Variants in STYX observed in about 807,000 individuals in gnomAD.
STYX encodes the protein serine/threonine/tyrosine interacting protein.
STYX carries 20 observed loss-of-function variants against 42.7 expected under a neutral mutation model. The ratio of observed to expected loss-of-function variants is 0.47; its 90% confidence interval spans 0.33 to 0.68. STYX has a LOEUF of 0.68. Ranked by LOEUF, STYX falls within the 30% of genes least tolerant of loss-of-function variation. The pLI is 0.02. For synonymous variants in STYX, 78 were observed against 81.9 expected, an observed-to-expected ratio of 0.95 and a Z score of 0.26; for missense variants, 226 against 268.5, an observed-to-expected ratio of 0.84 and a Z score of 1.11.
rs115531601 is a variant in STYX at position 52,774,496 on chromosome 14, G to A, written c.*3390G>A. On this transcript the variant is annotated 3_prime_UTR_variant, in exon 11 of 11. Coordinates refer to ENST00000354586, the MANE Select transcript of STYX (RefSeq NM_145251.4). ...TTCTTTCTTTGTTCAACAGTGCTCC[G>A]ATAAGGGAATGCTAGAAAATAGATG... 184 of 151,168 alleles carry A rather than the reference G, an allele frequency of 1.2e-3. No homozygotes were observed. Among genetic ancestry groups the A allele is most frequent in the African/African-American group, 4.3e-3 (178 of 41,140 alleles). 9.4% of individuals were successfully genotyped at this position (151,168 alleles called of 1,614,324 possible). A position where few individuals can be genotyped will look rare whatever the true frequency, so the allele number is the denominator to read the frequency against.
rs905601656 is a variant in STYX, at chr14:52,774,236, G to A, written c.*3130G>A. On this transcript the variant is annotated 3_prime_UTR_variant, in exon 11 of 11. Coordinates refer to ENST00000354586, the MANE Select transcript of STYX (RefSeq NM_145251.4). Reference sequence around the variant, plus strand: ...AGTAATGTCAGAAAATGTTAAGCATGTCTGTATTAAGAAAATATAAGGTTT... The same window carrying A: ...AGTAATGTCAGAAAATGTTAAGCATATCTGTATTAAGAAAATATAAGGTTT... 2 of 152,196 alleles carry A rather than the reference G, an allele frequency of 1.3e-5. No individual in the cohort carries two copies. The highest frequency in any genetic ancestry group is 4.1e-4 in the South Asian group (2 of 4,820). 9.4% of individuals were successfully genotyped at this position (152,196 alleles called of 1,614,324 possible). A position where few individuals can be genotyped will look rare whatever the true frequency, so the allele number is the denominator to read the frequency against.
chr14:52,730,597 A>G, intron 1 of STYX, 66 bp downstream of exon 1: 1 of 1,563,238 alleles, frequency 6.4e-7, no homozygotes, highest in Non-Finnish European at 8.7e-7. Context: ...GGGCGACCCC[A>G]GTCCCCAACC....
intron 1 of STYX, among the ~76,000 whole-genome samples, chr14:52,732,346 C>T (rs1443315294): frequency 2.0e-5 from 3 of 148,204 alleles, no homozygotes; most frequent in East Asian, 2.0e-4. Flanking sequence ...GATCTGGGCT[C>T]ACTGCAAGCT....
Position 52,772,632 on chromosome 14 carries a change from C to T in STYX, c.*1526C>T, listed in dbSNP as rs908284258. ...TATGTTCCCTTGGTACCAAGAGGTA[C>T]TATGCAAAGTAACCTATTACACCAA... On this transcript the variant is annotated 3_prime_UTR_variant, in exon 11 of 11. Transcript: ENST00000354586. The T allele has an allele frequency of 6.6e-6, 1 of 152,496 alleles. No homozygotes were observed. Among genetic ancestry groups the T allele is most frequent in the African/African-American group, 2.4e-5 (1 of 41,398 alleles). 9.4% of individuals were successfully genotyped at this position (152,496 alleles called of 1,614,324 possible).
At chr14:52,747,242 A>C (rs1210742245) in intron 3 of STYX, among the ~76,000 whole-genome samples, 1 of 152,232 alleles carries the variant, frequency 6.6e-6, no homozygotes, top group Non-Finnish European at 1.5e-5. Flanking sequence ...TGCCACTTCT[A>C]AAAGATTCAA....
rs529656494 is a variant in STYX, at chr14:52,738,874, C to T, written c.58-5978C>T. ...ACACAAAGTATCATCTATTATTATT[C>T]TAAGGGCCCATTTATCTTTCTCCAG... On this transcript the variant is annotated intron_variant, in intron 1 of 10. Transcript: ENST00000354586. Among the ~76,000 whole-genome samples the T allele has an allele frequency of 3.9e-5, 6 of 152,234 alleles. No homozygotes were observed. The East Asian group carries it at 7.7e-4, about 20-fold the overall frequency.
intron 1 of STYX, among the ~76,000 whole-genome samples, chr14:52,732,146 G>A (rs1213560041): frequency 3.4e-5 from 5 of 145,448 alleles, no homozygotes; most frequent in Non-Finnish European, 6.0e-5. Context: ...GCCCCAGGCT[G>A]GAGTGCAGTG....
intron 4 of STYX, among the ~76,000 whole-genome samples, chr14:52,754,079 G>A (rs1881748964): frequency 1.3e-5 from 2 of 151,314 alleles, no homozygotes; most frequent in African/African-American, 4.9e-5. Flanking sequence ...TAGTAGAGAC[G>A]GGGTTTCACC....
Position 52,756,614 on chromosome 14 carries a change from A to G in STYX, c.303+3A>G. 1.6e-6 allele frequency: 2 copies of G among 1,253,626 alleles called. No individual in the cohort carries two copies. The highest frequency in any genetic ancestry group is 2.2e-6 in the Non-Finnish European group (2 of 918,258). 77.7% of individuals were successfully genotyped at this position (1,253,626 alleles called of 1,614,324 possible). A position where few individuals can be genotyped will look rare whatever the true frequency, so the allele number is the denominator to read the frequency against. On this transcript the variant is annotated splice_donor_region_variant and intron_variant, in intron 5 of 10. Coordinates refer to ENST00000354586, the MANE Select transcript of STYX (RefSeq NM_145251.4). The stretch of plus-strand genomic sequence containing the variant: ...ATATAATACGTTTTTTCCCTATGGT[A>G]GGTACCAGTATTTTTTAAATATCAT...
At chr14:52,745,807 A>T (rs1167506829) in intron 2 of STYX, among the ~76,000 whole-genome samples, 2 of 152,186 alleles carry the variant, frequency 1.3e-5, no homozygotes, top group Non-Finnish European at 2.9e-5. Flanking sequence ...GTTCACTTTG[A>T]AAAAATAGGT....
Position 52,774,369 on chromosome 14 carries a change from A to C in STYX, c.*3263A>C, listed in dbSNP as rs1374602181. ...ATATATGTATCAAGATCTCAACTTG[A>C]TGTAAAGTAAATGAGCAGTTACCTG... On this transcript the variant is annotated 3_prime_UTR_variant, in exon 11 of 11. Coordinates refer to ENST00000354586, the MANE Select transcript of STYX (RefSeq NM_145251.4). The C allele has an allele frequency of 6.6e-6, 1 of 150,918 alleles. No individual in the cohort carries two copies. The highest frequency in any genetic ancestry group is 1.5e-5 in the Non-Finnish European group (1 of 67,854). The allele number at this position is 150,918 out of a possible 1,614,324, so 9.3% of individuals were successfully genotyped here.
intron 9 of STYX, among the ~76,000 whole-genome samples, chr14:52,767,013 G>A (rs922673376): frequency 6.6e-6 from 1 of 152,088 alleles, no homozygotes; most frequent in Non-Finnish European, 1.5e-5. Context: ...GGGAGAATCA[G>A]ACAACAAACA....
Position 52,730,630 on chromosome 14 carries a change from G to A in STYX, c.57+99G>A, listed in dbSNP as rs1880659791. The A allele has an allele frequency of 3.6e-6, 5 of 1,382,812 alleles. No individual in the cohort carries two copies. In the Admixed American group the frequency reaches 6.3e-5, roughly 17 times the overall value. The allele number at this position is 1,382,812 out of a possible 1,614,324, so 85.7% of individuals were successfully genotyped here. A position where few individuals can be genotyped will look rare whatever the true frequency, so the allele number is the denominator to read the frequency against. On this transcript the variant is annotated intron_variant, in intron 1 of 10. Transcript: ENST00000354586. ...ACCGTCTTAGCCGCCACCTGTACGG[G>A]CGCCCTGCCTCCTAAGGGCGTCCCG...
rs779247288 is a variant in STYX, at chr14:52,730,463, CG to C, written c.-9del. On this transcript the variant is annotated 5_prime_UTR_variant, in exon 1 of 11. Coordinates refer to ENST00000354586, the MANE Select transcript of STYX (RefSeq NM_145251.4). Reference sequence around the variant, plus strand: ...CTCTCCCACCCCACCCACCAGCCCGCGGGCCAGCACCATGGAGGACGTGAAG... The same window carrying C: ...CTCTCCCACCCCACCCACCAGCCCGCGGCCAGCACCATGGAGGACGTGAAG... 2.5e-5 allele frequency: 41 copies of C among 1,612,990 alleles called. No individual in the cohort carries two copies. Among genetic ancestry groups the C allele is most frequent in the Admixed American group, 1.3e-4 (8 of 59,920 alleles).
chr14:52,730,370 C>T lies in STYX; in HGVS notation c.-105C>T, dbSNP rs746886693. The stretch of plus-strand genomic sequence containing the variant: ...TAATCCCGCCGCCCTCCTGTCAGCC[C>T]TCCGCTCCGCCGGCCCTCCTTCCTT... On this transcript the variant is annotated 5_prime_UTR_variant, in exon 1 of 11. Coordinates refer to ENST00000354586, the MANE Select transcript of STYX (RefSeq NM_145251.4). 8.3e-7 allele frequency: 1 copy of T among 1,207,030 alleles called. No homozygotes were observed. Among genetic ancestry groups the T allele is most frequent in the African/African-American group, 1.5e-5 (1 of 66,662 alleles). 74.8% of individuals were successfully genotyped at this position (1,207,030 alleles called of 1,614,324 possible).
chr14:52,738,693 G>A (rs1039076833), intron 1 of STYX, among the ~76,000 whole-genome samples: 5 of 152,172 alleles, frequency 3.3e-5, no homozygotes, highest in Admixed American at 3.3e-4. Context: ...AGTAGCAAAT[G>A]CAAAGAAACA....
At chr14:52,752,185 A>C (rs55914095) in intron 4 of STYX, among the ~76,000 whole-genome samples, 14 of 95,434 alleles carry the variant, frequency 1.5e-4, no homozygotes, top group South Asian at 1.1e-3. Context: ...CAAAACAAAA[A>C]AAAAACAGCG....
At chr14:52,734,783 C>T (rs1022428819) in intron 1 of STYX, among the ~76,000 whole-genome samples, 2 of 152,164 alleles carry the variant, frequency 1.3e-5, no homozygotes, top group Non-Finnish European at 2.9e-5. Context: ...TAAATCCGGC[C>T]GGGCGTGGTG....
chr14:52,746,304 T>C, intron 2 of STYX, 122 bp from the exon 3 acceptor site: 1 of 618,070 alleles, frequency 1.6e-6, no homozygotes, highest in Non-Finnish European at 2.7e-6. Context: ...AAATAGATAA[T>C]AGTTCCAATC....
Sources: gnomAD v4.1 joint callset for allele counts (sites outside exome capture counted in the v4.1 genomes callset) on GRCh38, gnomAD v4.1.1 for gene constraint, MANE v1.5 for transcripts, NCBI Gene and HGNC (gene_info 2026-07-23, HGNC 2026-07-21) for gene names.